The following KIAA1217 variants were observed in gnomAD, a reference collection of about 807,000 sequenced individuals.
KIAA1217 encodes the protein KIAA1217.
KIAA1217 carries 88 observed loss-of-function variants against 163.9 expected under a neutral mutation model. The ratio of observed to expected loss-of-function variants is 0.54; its 90% CI spans 0.45 to 0.64. The LOEUF is 0.64. Among genes scored for constraint, KIAA1217 ranks in the 30% least tolerant of loss-of-function variants. The pLI, the probability that KIAA1217 is intolerant of heterozygous loss-of-function variation, is 0.00. For missense variants in KIAA1217, 2,372 were observed against 2,475.0 expected, an observed-to-expected ratio of 0.96 and a Z score of 0.88; for synonymous variants, 903 against 923.1, an observed-to-expected ratio of 0.98 and a Z score of 0.39.
intron 2 of KIAA1217, among the ~76,000 whole-genome samples, chr10:24,190,025 TAA>T (rs78009696): frequency 2.2e-4 from 28 of 127,024 alleles, no homozygotes; most frequent in Admixed American, 2.4e-4. Flanking sequence ...TGTCTCTATT[TAA>T]AAAAAAAAAA....
intron 1 of KIAA1217, among the ~76,000 whole-genome samples, chr10:23,855,723 T>C (rs1839621278): frequency 6.6e-6 from 1 of 152,188 alleles, no homozygotes; most frequent in Non-Finnish European, 1.5e-5. Flanking sequence ...TTTTATTCTT[T>C]TTTCTCTAAA....
At chr10:24,478,394 A>G (rs575751418) in intron 6 of KIAA1217, among the ~76,000 whole-genome samples, 6 of 152,348 alleles carry the variant, frequency 3.9e-5, no homozygotes, top group South Asian at 2.1e-4. Context: ...AGATGCTTCA[A>G]TGAGCATCTA....
chr10:23,843,494 C>T (rs1254626953), intron 1 of KIAA1217, among the ~76,000 whole-genome samples: 1 of 152,106 alleles, frequency 6.6e-6, no homozygotes, highest in East Asian at 1.9e-4. Flanking sequence ...AGCCAGTTTC[C>T]AGAAGTGCAG....
intron 3 of KIAA1217, among the ~76,000 whole-genome samples, chr10:24,394,922 G>A (rs577742569): frequency 3.9e-5 from 6 of 152,184 alleles, no homozygotes; most frequent in African/African-American, 4.8e-5. Context: ...AGCAGGAGAC[G>A]TGTTAAAGCG....
At chr10:24,459,685 G>T (rs1469405611) in intron 5 of KIAA1217, among the ~76,000 whole-genome samples, 2 of 152,156 alleles carry the variant, frequency 1.3e-5, no homozygotes, top group Admixed American at 6.5e-5. Context: ...CACTCTGGGA[G>T]GCCTAGGCAG....
At chr10:24,440,265 C>T (rs769421366) in intron 5 of KIAA1217, among the ~76,000 whole-genome samples, 6 of 152,208 alleles carry the variant, frequency 3.9e-5, no homozygotes, top group Non-Finnish European at 8.8e-5. Context: ...TCATGCCAAT[C>T]GTGAAGCATG....
intron 14 of KIAA1217, among the ~76,000 whole-genome samples, chr10:24,531,024 C>T (rs1169619004): frequency 1.4e-5 from 2 of 138,062 alleles, no homozygotes; most frequent in Non-Finnish European, 3.1e-5. Flanking sequence ...GCAGAAACCC[C>T]GCCTGTAAAA....
At chr10:23,954,759 G>A (rs918057353) in intron 1 of KIAA1217, among the ~76,000 whole-genome samples, 1 of 152,174 alleles carries the variant, frequency 6.6e-6, no homozygotes, top group Non-Finnish European at 1.5e-5. Context: ...CTTGCAAGGT[G>A]AGTTTTATTC....
chr10:24,347,945 GA>G (rs1307397834), intron 2 of KIAA1217, among the ~76,000 whole-genome samples: 1 of 152,156 alleles, frequency 6.6e-6, no homozygotes, highest in African/African-American at 2.4e-5. Context: ...TGAATTAATG[GA>G]ATGCGTGTCA....
chr10:23,959,543 A>G (rs1844727602), intron 1 of KIAA1217, among the ~76,000 whole-genome samples: 1 of 152,206 alleles, frequency 6.6e-6, no homozygotes, highest in South Asian at 2.1e-4. Flanking sequence ...ATAGATTTCT[A>G]AATGACAGAT....
At chr10:23,866,116 T>TA (rs1588976619) in intron 1 of KIAA1217, among the ~76,000 whole-genome samples, 3 of 152,196 alleles carry the variant, frequency 2.0e-5, no homozygotes, top group African/African-American at 7.2e-5. Context: ...AAAAATAAAA[T>TA]AAATAAAGTA....
At chr10:24,534,966 T>C (rs537285227) in intron 16 of KIAA1217, among the ~76,000 whole-genome samples, 4 of 150,746 alleles carry the variant, frequency 2.7e-5, no homozygotes, top group South Asian at 2.1e-4. Flanking sequence ...CTGGCTGGGA[T>C]AGAAACCCAG....
rs542603005 is a variant in KIAA1217 at position 24,019,646 on chromosome 10, A to G, written c.-171+12272A>G. 2.6e-4 allele frequency among the ~76,000 whole-genome samples: 39 copies of G among 152,030 alleles called. 1 individual carries two copies. In the East Asian group the frequency reaches 6.0e-3, roughly 23 times the overall value. The stretch of plus-strand genomic sequence containing the variant: ...CTGAGGTTGCAGTGCAAAATCATCC[A>G]TAAGTAGTAATGTAAATAAATGAGC... On this transcript the variant is annotated intron_variant, in intron 2 of 18. Coordinates refer to the KIAA1217 transcript ENST00000376462.
At chr10:23,987,585 A>G in intron 1 of KIAA1217, among the ~76,000 whole-genome samples, 1 of 148,738 alleles carries the variant, frequency 6.7e-6, no homozygotes, top group African/African-American at 2.6e-5. Context: ...TAATGTATTC[A>G]TTACCTCACA....
intron 1 of KIAA1217, among the ~76,000 whole-genome samples, chr10:23,842,855 C>A (rs781074268): frequency 4.6e-5 from 7 of 152,092 alleles, no homozygotes; most frequent in Non-Finnish European, 1.0e-4. Context: ...GGGAAGCACT[C>A]ACCTGTCACA....
chr10:24,005,799 G>C, intron 1 of KIAA1217, among the ~76,000 whole-genome samples: 1 of 152,154 alleles, frequency 6.6e-6, no homozygotes, highest in East Asian at 1.9e-4. Flanking sequence ...AGAAAATGTT[G>C]TTCTAAGTAT....
At chr10:23,830,999 A>G (rs1412643479) in intron 1 of KIAA1217, among the ~76,000 whole-genome samples, 1 of 152,114 alleles carries the variant, frequency 6.6e-6, no homozygotes, top group Non-Finnish European at 1.5e-5. Context: ...TCGGGTGAGC[A>G]GGAGGCAGCA....
At chr10:23,736,851 T>C (rs1838836412) in intron 1 of KIAA1217, among the ~76,000 whole-genome samples, 1 of 152,150 alleles carries the variant, frequency 6.6e-6, no homozygotes, top group African/African-American at 2.4e-5. Context: ...GAGCTGTTGG[T>C]GCAACTGCCC....
rs544573303 is a variant in KIAA1217 at position 23,847,109 on chromosome 10, T to G, written c.-321+151875T>G. On this transcript the variant is annotated intron_variant, in intron 1 of 18. Transcript: ENST00000376462. ...CCAACTTGATTGTGGTACATAAGCT[T>G]TTTAATGTGCTACTGGATTCGGTTT... 2.6e-5 allele frequency among the ~76,000 whole-genome samples: 4 copies of G among 152,294 alleles called. No homozygotes were observed. In the South Asian group the frequency reaches 8.3e-4, roughly 32 times the overall value.
Sources: gnomAD v4.1 joint callset for allele counts (sites outside exome capture counted in the v4.1 genomes callset) on GRCh38, gnomAD v4.1.1 for gene constraint, MANE v1.5 for transcripts, NCBI Gene and HGNC (gene_info 2026-07-23, HGNC 2026-07-21) for gene names.